Variants in CHKA observed in about 807,000 individuals in gnomAD.
The protein encoded by CHKA is CHETK-alpha.
Under a neutral mutation model 60.1 loss-of-function variants are expected in CHKA, and 34 were observed. The observed-to-expected ratio is 0.57, with a 90% CI of 0.43 to 0.75. CHKA has a LOEUF of 0.75. Among genes scored for constraint, CHKA ranks in the 30% least tolerant of loss-of-function variants. The probability of loss-of-function intolerance (pLI) is 0.00; values close to 1 mark genes in which losing one functional copy is unlikely to be tolerated. For missense variants in CHKA, 563 were observed against 561.3 expected, an observed-to-expected ratio of 1.00 and a Z score of -0.03; for synonymous variants, 217 against 223.1, an observed-to-expected ratio of 0.97 and a Z score of 0.24.
intron 3 of CHKA, among the ~76,000 whole-genome samples, chr11:68,078,951 AT>A (rs902995272): frequency 6.8e-6 from 1 of 146,208 alleles, no homozygotes; most frequent in East Asian, 2.0e-4. Flanking sequence ...TATTATTATT[AT>A]TTTTTTTTTG....
At chr11:68,072,009 G>A (rs908309555) in intron 4 of CHKA, among the ~76,000 whole-genome samples, 9 of 152,198 alleles carry the variant, frequency 5.9e-5, no homozygotes, top group African/African-American at 1.2e-4. Flanking sequence ...TCCAGCAGCA[G>A]GACACACAGG....
At position 68,064,533 on chromosome 11, in the gene CHKA, T is replaced by G; in HGVS notation, c.1224A>C (p.Glu408Asp). The G allele has an allele frequency of 6.5e-7, 1 of 1,538,790 alleles. No individual in the cohort carries two copies. Among genetic ancestry groups the G allele is most frequent in the Non-Finnish European group, 8.9e-7 (1 of 1,129,808 alleles). ...KSIIKEEMLL[E>D]VNRFALASHF... is the part of the protein sequence containing the mutation. ...AAAAGGAAAAATGTTACCTATTAAC[T>G]TCAAGCAACATTTCTTCTTTTATAA... The change falls in exon 10 of 12, where the codon GAA becomes GAC. Residue 408 changes from glutamate to aspartate, a missense_variant. Physicochemically the swap from Glu to Asp is conservative, Grantham distance 45. Transcript: ENST00000265689.
intron 8 of CHKA, 94 bp downstream of exon 8, chr11:68,066,335 G>C: frequency 9.4e-7 from 1 of 1,067,894 alleles, no homozygotes; most frequent in Non-Finnish European, 1.4e-6. Context: ...ACTCAGAGCG[G>C]CATTTTGACT....
At chr11:68,099,222 T>C (rs901547175) in intron 1 of CHKA, among the ~76,000 whole-genome samples, 11 of 152,212 alleles carry the variant, frequency 7.2e-5, no homozygotes, top group Non-Finnish European at 1.3e-4. Context: ...TTTTGAAAGA[T>C]GAAAATGTTC....
chr11:68,073,191 T>C (rs568281762), intron 4 of CHKA, among the ~76,000 whole-genome samples: 189 of 152,310 alleles, frequency 1.2e-3, no homozygotes, highest in Admixed American at 2.4e-3. Flanking sequence ...TTTTACTACA[T>C]GTGCACATAT....
intron 1 of CHKA, among the ~76,000 whole-genome samples, chr11:68,100,875 C>T (rs987985146): frequency 2.0e-5 from 3 of 149,652 alleles, no homozygotes; most frequent in Non-Finnish European, 4.4e-5. Flanking sequence ...GCATCACTAA[C>T]TGTCAACCCA....
At chr11:68,111,195 T>C (rs1858120910) in intron 1 of CHKA, among the ~76,000 whole-genome samples, 1 of 151,538 alleles carries the variant, frequency 6.6e-6, no homozygotes, top group Admixed American at 6.6e-5. Context: ...GCAGATTACC[T>C]GAGGTCAGGA....
intron 7 of CHKA, among the ~76,000 whole-genome samples, chr11:68,068,160 T>C (rs1306775607): frequency 1.3e-5 from 2 of 152,150 alleles, no homozygotes. Context: ...AGTGCACTGA[T>C]ACTAGGAGAG....
chr11:68,099,605 G>A (rs577429390), intron 1 of CHKA, among the ~76,000 whole-genome samples: 1 of 151,730 alleles, frequency 6.6e-6, no homozygotes, highest in African/African-American at 2.4e-5. Context: ...GTAGATCAAA[G>A]GAACCAAAAG....
intron 1 of CHKA, among the ~76,000 whole-genome samples, chr11:68,110,528 A>G (rs1858092599): frequency 1.3e-5 from 2 of 152,200 alleles, no homozygotes; most frequent in African/African-American, 2.4e-5. Flanking sequence ...AAATACTTAT[A>G]TATAAATCTA....
intron 10 of CHKA, among the ~76,000 whole-genome samples, chr11:68,063,556 CTGGA>C (rs1477859694): frequency 6.6e-6 from 1 of 152,028 alleles, no homozygotes; most frequent in African/African-American, 2.4e-5. Context: ...GTTGTTGTGT[CTGGA>C]TGACAGTTCA....
At chr11:68,054,553 C>T (rs2134477039) in intron 11 of CHKA, among the ~76,000 whole-genome samples, 1 of 152,314 alleles carries the variant, frequency 6.6e-6, no homozygotes, top group Admixed American at 6.5e-5. Context: ...GCTTGGTGTT[C>T]TGTTTCTGCC....
chr11:68,061,095 GTTTTTTTTTTTTTT>G (rs757176198), intron 11 of CHKA, among the ~76,000 whole-genome samples: 19 of 70,880 alleles, frequency 2.7e-4, no homozygotes, highest in Non-Finnish European at 3.8e-4. Flanking sequence ...GTCAGTGACA[GTTTTTTTTTTTTTT>G]TTTTTTTTTT....
intron 2 of CHKA, among the ~76,000 whole-genome samples, chr11:68,088,766 C>T (rs558154890): frequency 2.6e-5 from 4 of 152,220 alleles, no homozygotes; most frequent in Non-Finnish European, 4.4e-5. Flanking sequence ...CATTCTTTCT[C>T]GAACTCCTGA....
intron 3 of CHKA, among the ~76,000 whole-genome samples, chr11:68,075,826 AC>A (rs1856768598): frequency 1.3e-5 from 2 of 152,170 alleles, no homozygotes; most frequent in South Asian, 4.1e-4. Flanking sequence ...CCTAGGTCTT[AC>A]TCCAAGTATT....
At chr11:68,108,780 T>G (rs1858017138) in intron 1 of CHKA, among the ~76,000 whole-genome samples, 1 of 152,034 alleles carries the variant, frequency 6.6e-6, no homozygotes, top group Non-Finnish European at 1.5e-5. Context: ...AACTGCTGCC[T>G]CCCAAATTGG....
intron 3 of CHKA, 118 bp downstream of exon 3, chr11:68,081,285 GA>G: frequency 1.3e-6 from 1 of 752,476 alleles, no homozygotes; most frequent in Non-Finnish European, 2.2e-6. Context: ...CCTCCTCGTA[GA>G]AAGATAGATC....
intron 8 of CHKA, among the ~76,000 whole-genome samples, chr11:68,066,164 T>G (rs1856437437): frequency 6.6e-6 from 1 of 152,116 alleles, no homozygotes; most frequent in Admixed American, 6.6e-5. Context: ...GAGAAGAAAA[T>G]GACCTCTGAA....
intron 2 of CHKA, among the ~76,000 whole-genome samples, chr11:68,095,153 C>T (rs988315033): frequency 8.6e-5 from 13 of 151,830 alleles, no homozygotes; most frequent in Admixed American, 7.9e-4. Context: ...GCCTGTAATC[C>T]CAGTACTTTG....
Sources: allele counts gnomAD v4.1 joint callset (sites outside exome capture counted in the v4.1 genomes callset), GRCh38; gene constraint gnomAD v4.1.1; transcripts MANE v1.5; gene names NCBI Gene and HGNC (gene_info 2026-07-23, HGNC 2026-07-21).